The following RNF123 variants were observed in gnomAD, a reference collection of about 807,000 sequenced individuals.
RNF123 encodes ring finger protein 123, also known as E3 ubiquitin-protein ligase RNF123.
A neutral mutation model predicts 168.5 loss-of-function variants in RNF123; 86 were observed. The ratio of observed to expected loss-of-function variants is 0.51; its 90% CI spans 0.43 to 0.61. The LOEUF is 0.61. RNF123 is among the 20% of genes least tolerant of loss of function. The pLI is 0.00. For missense variants in RNF123, 1,419 were observed against 1,729.7 expected, an observed-to-expected ratio of 0.82 and a Z score of 3.19; for synonymous variants, 666 against 689.1, an observed-to-expected ratio of 0.97 and a Z score of 0.52.
In RNF123 at chr3:49,712,689, G is replaced by C. The variant is rs200334203; in HGVS notation, c.2674+33G>C. 1.6e-3 allele frequency: 2,607 copies of C among 1,612,752 alleles called. 2 individuals carry two copies. The highest frequency in any genetic ancestry group is 2.0e-3 in the Non-Finnish European group (2,365 of 1,178,990). ...AACCATTCAGGCTGAGGCAGAAGCA[G>C]AAAAGGGGTCTCTAGTGTGAGCCCT... On this transcript the variant is annotated intron_variant, in intron 27 of 38. Transcript: ENST00000327697.
chr3:49,697,944 G>C lies in RNF123; in HGVS notation c.397+5G>C. 6.2e-7 allele frequency: 1 copy of C among 1,614,192 alleles called. No individual in the cohort carries two copies. On this transcript the variant is annotated splice_donor_5th_base_variant and intron_variant, in intron 6 of 38. Transcript: ENST00000327697. ...CTACCACATGCGTGTACAAAGGTGA[G>C]ACCTTACCCTGCTGTGGCCTAGGTA... is the stretch of plus-strand genomic sequence containing the variant.
Position 49,699,242 on chromosome 3 carries a change from G to T in RNF123, c.764+137G>T. ...CAGAGTTAGTGGGGGGCCATGTAGA[G>T]TGTCGAAGAAAACTTTCCTCGCAGC... On this transcript the variant is annotated intron_variant, in intron 10 of 38. Transcript: ENST00000327697. The surrounding 1 kb of genome is among the most constrained non-coding windows in gnomAD (Gnocchi z 4.8). 1 of 1,278,548 alleles carries T rather than the reference G, an allele frequency of 7.8e-7. No homozygotes were observed. The highest frequency in any genetic ancestry group is 1.1e-6 in the Non-Finnish European group (1 of 935,690). The allele number at this position is 1,278,548 out of a possible 1,614,324, so 79.2% of individuals were successfully genotyped here.
At position 49,695,989 on chromosome 3, in the gene RNF123, C is replaced by T. The variant is rs1328606276; in HGVS notation, c.168-1154C>T. Among the ~76,000 whole-genome samples, 7 of 152,276 alleles carry T rather than the reference C, an allele frequency of 4.6e-5. No homozygotes were observed. In the East Asian group the frequency reaches 5.8e-4, roughly 13 times the overall value. On this transcript the variant is annotated intron_variant, in intron 3 of 38. Transcript: ENST00000327697. ...GCTCCGCTGACCATTTATGGACTGG[C>T]GGGTACAGGACAGAGCCATCCAGCA...
intron 24 of RNF123, 35 bp from the exon 25 acceptor site, chr3:49,705,947 G>T: frequency 6.3e-7 from 1 of 1,594,338 alleles, no homozygotes; most frequent in South Asian, 1.1e-5. Flanking sequence ...AAGTGCCCAA[G>T]GGGCACTCTG....
Position 49,703,532 on chromosome 3 carries a change from T to A in RNF123, c.1852+4T>A. The stretch of plus-strand genomic sequence containing the variant: ...CACCTGCGGAAGACCCTCAAAGGTG[T>A]GTACAGGCCTGTGGGCCGGGAGCAG... On this transcript the variant is annotated splice_donor_region_variant and intron_variant, in intron 21 of 38. Transcript: ENST00000327697. The A allele has an allele frequency of 6.2e-7, 1 of 1,611,648 alleles. No individual in the cohort carries two copies. The highest frequency in any genetic ancestry group is 8.5e-7 in the Non-Finnish European group (1 of 1,178,398).
At chr3:49,704,963 G>T in intron 22 of RNF123, 21 bp from the exon 23 acceptor site, 1 of 1,584,506 alleles carries the variant, frequency 6.3e-7, no homozygotes, top group Non-Finnish European at 8.6e-7. Context: ...CCCTGGTCCT[G>T]GCCGCCTTTC....
In RNF123 at chr3:49,700,321, A is replaced by G. The variant is rs375549143; in HGVS notation, c.1079A>G (p.Gln360Arg). 9.3e-6 allele frequency: 15 copies of G among 1,614,118 alleles called. No individual in the cohort carries two copies. Among genetic ancestry groups the G allele is most frequent in the African/African-American group, 1.3e-5 (1 of 74,954 alleles). The change falls in exon 13 of 39, where the codon CAG becomes CGG. Residue 360 changes from glutamine to arginine, a missense_variant. Gln to Arg is a conservative substitution (Grantham distance 43, BLOSUM62 1). Coordinates refer to ENST00000327697, the MANE Select transcript of RNF123 (RefSeq NM_022064.5). ...TPTQAQSVVHQVLDLLWLFME... is the reference protein window; with the variant it reads ...TPTQAQSVVHRVLDLLWLFME... The stretch of plus-strand genomic sequence containing the variant: ...ACACAGGCACAGTCCGTGGTGCACC[A>G]GGTCCTGGACCTCTTGTGGCTCTTC...
At position 49,716,185 on chromosome 3, in the gene RNF123, C is replaced by A. The variant is rs963671909; in HGVS notation, c.3415+8C>A. On this transcript the variant is annotated splice_region_variant and intron_variant, in intron 34 of 38. Transcript: ENST00000327697. ...TCACCCTACGGCTGCCTGGTGAGGA[C>A]CTAGATGCCCTGCACCCCAACACAC... The A allele has an allele frequency of 2.5e-6, 4 of 1,613,108 alleles. No individual in the cohort carries two copies. The highest frequency in any genetic ancestry group is 2.7e-5 in the African/African-American group (2 of 74,910).
In RNF123 at chr3:49,715,904, C is replaced by T. The variant is rs749212060; in HGVS notation, c.3233C>T (p.Ser1078Leu). 9 of 1,614,082 alleles carry T rather than the reference C, an allele frequency of 5.6e-6. No homozygotes were observed. The highest frequency in any genetic ancestry group is 6.8e-6 in the Non-Finnish European group (8 of 1,180,028). ...LKVCATCFDL[S>L]VSLLRVLEMT... ...GTATGTGCCACCTGCTTTGACCTCT[C>T]GGTCAGCCTGCTGCGTGTCTTGGAG... Residue 1078 changes from serine (S) to leucine (L), a missense_variant, in exon 33 of 39, where the codon TCG becomes TTG. Ser to Leu is a moderately radical substitution (Grantham distance 145). This residue lies in a region of RNF123 where 538 missense variants were observed against 708.8 expected (regional missense o/e 0.76). Transcript: ENST00000327697.
intron 28 of RNF123, 54 bp downstream of exon 28, chr3:49,713,641 G>A (rs1449311245): frequency 6.3e-7 from 1 of 1,583,562 alleles, no homozygotes; most frequent in South Asian, 1.1e-5. Flanking sequence ...GGCACCTCTG[G>A]TCGGCTTTCT....
chr3:49,691,255 C>T lies in RNF123; in HGVS notation c.82+8C>T. 6.2e-7 allele frequency: 1 copy of T among 1,613,516 alleles called. No individual in the cohort carries two copies. The highest frequency in any genetic ancestry group is 8.5e-7 in the Non-Finnish European group (1 of 1,179,450). Reference sequence around the variant, plus strand: ...AGAAATCCAGGGTCACAGGTAAGAGCTGGCAGGGAAGGAAGGAGGCTCCTC... The same window carrying T: ...AGAAATCCAGGGTCACAGGTAAGAGTTGGCAGGGAAGGAAGGAGGCTCCTC... On this transcript the variant is annotated splice_region_variant and intron_variant, in intron 2 of 38. Coordinates refer to ENST00000327697, the MANE Select transcript of RNF123 (RefSeq NM_022064.5).
chr3:49,716,989 T>C (rs995047903), intron 35 of RNF123: 2 of 156,352 alleles, frequency 1.3e-5, no homozygotes, highest in African/African-American at 4.8e-5. Flanking sequence ...GTGAGATGCA[T>C]ATGAAGCCAG....
chr3:49,716,193 C>A lies in RNF123; in HGVS notation c.3415+16C>A, dbSNP rs1029350897. ...CGGCTGCCTGGTGAGGACCTAGATG[C>A]CCTGCACCCCAACACACTACAGGCC... On this transcript the variant is annotated intron_variant, in intron 34 of 38. Coordinates refer to ENST00000327697, the MANE Select transcript of RNF123 (RefSeq NM_022064.5). The A allele has an allele frequency of 6.2e-7, 1 of 1,612,632 alleles. No individual in the cohort carries two copies. Among genetic ancestry groups the A allele is most frequent in the African/African-American group, 1.3e-5 (1 of 75,018 alleles).
intron 28 of RNF123, 67 bp downstream of exon 28, chr3:49,713,654 T>C: frequency 6.3e-7 from 1 of 1,577,126 alleles, no homozygotes; most frequent in Non-Finnish European, 8.6e-7. Flanking sequence ...GGCTTTCTTC[T>C]ATGAAAAATG....
At chr3:49,700,774 G>A in intron 15 of RNF123, 65 bp downstream of exon 15, 4 of 1,547,950 alleles carry the variant, frequency 2.6e-6, no homozygotes, top group Non-Finnish European at 3.6e-6. Context: ...CAGAGGCCAG[G>A]AAGGGGAGTG....
Position 49,712,510 on chromosome 3 carries a change from G to C in RNF123, c.2528G>C (p.Arg843Pro). 6.2e-7 allele frequency: 1 copy of C among 1,614,110 alleles called. No individual in the cohort carries two copies. The highest frequency in any genetic ancestry group is 8.5e-7 in the Non-Finnish European group (1 of 1,180,040). The change falls in exon 27 of 39, where the codon CGC becomes CCC. Residue 843 changes from arginine to proline, a missense_variant. By Grantham distance (103) the Arg-to-Pro change is moderately radical (BLOSUM62 -2). Transcript: ENST00000327697. The part of the protein sequence containing the change: ...EKMLDIYWLL[R>P]VCLRTIEHGD... ...ATGCTGGACATCTACTGGCTGCTGC[G>C]CGTCTGCCTGCGGACCATTGAGCAC...
At chr3:49,716,798 C>T in intron 35 of RNF123, 1 of 312,854 alleles carries the variant, frequency 3.2e-6, no homozygotes, top group Non-Finnish European at 6.0e-6. Context: ...GGCCAGGCCG[C>T]CAGGAGAGCT....
chr3:49,720,997 A>G lies in RNF123; in HGVS notation c.3739-23A>G, dbSNP rs536640332. On this transcript the variant is annotated intron_variant, in intron 37 of 38. Transcript: ENST00000327697. ...ATAGCCAGGCATCCAACTCCAGCCC[A>G]CCCTTCACTCTCCTCCCTGCAGCCC... 1.8e-4 allele frequency: 288 copies of G among 1,608,680 alleles called. 4 individuals are homozygous for G. The South Asian group carries it at 2.9e-3, about 16-fold the overall frequency.
In RNF123 at chr3:49,704,807, C is replaced by T. The variant is rs181052824; in HGVS notation, c.1959+51C>T. The T allele has an allele frequency of 5.6e-5, 84 of 1,498,814 alleles. 1 individual carries two copies. The East Asian group carries it at 1.1e-3, about 20-fold the overall frequency. 92.8% of individuals were successfully genotyped at this position (1,498,814 alleles called of 1,614,324 possible). On this transcript the variant is annotated intron_variant, in intron 22 of 38. Transcript: ENST00000327697. ...GATTTGTGTTGGGCTTATCCTGTAT[C>T]TTATGGGCAGGGGTCTCATCCAGGG...
Sources: gnomAD v4.1 joint callset for allele counts (sites outside exome capture counted in the v4.1 genomes callset) on GRCh38, gnomAD v4.1.1 for gene constraint, gnomAD v4.1.1 regional missense constraint, Gnocchi (gnomAD v3.1) non-coding constraint, MANE v1.5 for transcripts, NCBI Gene and HGNC (gene_info 2026-07-23, HGNC 2026-07-21) for gene names.